HLF: variants seen among roughly 807,000 people sequenced by gnomAD.
HLF encodes the protein hepatic leukemia factor.
A neutral mutation model predicts 22.6 loss-of-function variants in HLF; 3 were observed. The observed-to-expected ratio is 0.13, with a 90% CI of 0.06 to 0.34. The LOEUF (loss-of-function observed/expected upper bound fraction) is 0.34. HLF is among the 10% of genes least tolerant of loss of function. The probability of loss-of-function intolerance (pLI) is 1.00; values close to 1 mark genes in which losing one functional copy is unlikely to be tolerated. For missense variants in HLF, 299 were observed against 389.2 expected, an observed-to-expected ratio of 0.77 and a Z score of 1.95; for synonymous variants, 151 against 151.8, an observed-to-expected ratio of 0.99 and a Z score of 0.04.
chr17:55,277,041 A>G (rs1024442753), intron 2 of HLF, among the ~76,000 whole-genome samples: 11 of 152,162 alleles, frequency 7.2e-5, no homozygotes, highest in Non-Finnish European at 5.9e-5. Flanking sequence ...TGATTGGGGG[A>G]AACACTCTTT....
intron 2 of HLF, among the ~76,000 whole-genome samples, chr17:55,279,670 A>T (rs941699913): frequency 1.3e-5 from 2 of 152,306 alleles, no homozygotes; most frequent in African/African-American, 4.8e-5. Context: ...TGAGGACAAA[A>T]TAGTTTTTAA....
intron 2 of HLF, among the ~76,000 whole-genome samples, chr17:55,277,289 A>C: frequency 1.2e-5 from 1 of 84,376 alleles, no homozygotes; most frequent in African/African-American, 4.2e-5. Context: ...GCGCATGTGT[A>C]CGTGGGCATG....
rs759022481 is a variant in HLF, at chr17:55,265,509, C to T, written c.25C>T (p.Pro9Ser). The T allele has an allele frequency of 1.3e-5, 21 of 1,608,186 alleles. No homozygotes were observed. Among genetic ancestry groups the T allele is most frequent in the Admixed American group, 3.3e-5 (2 of 59,718 alleles). Residue 9 changes from proline to serine, a missense_variant, in exon 1 of 4, where the codon CCC (proline) becomes TCC (serine). Transcript: ENST00000226067. ...GATGGAGAAAATGTCCCGACCGCTC[C>T]CCCTGAATCCCACCTTTATCCCGCC... MEKMSRPL[P>S]LNPTFIPPPY...
intron 2 of HLF, among the ~76,000 whole-genome samples, chr17:55,302,719 C>G (rs1904354820): frequency 6.6e-6 from 1 of 152,092 alleles, no homozygotes; most frequent in Admixed American, 6.5e-5. Flanking sequence ...CTGCAGGTTT[C>G]AAATAACTAG....
chr17:55,268,084 C>T lies in HLF; in HGVS notation c.449C>T (p.Pro150Leu), dbSNP rs1220910387. ...AACTGTATGCAGAGCCCCATCAGAC[C>T]AGGTAAGTGCCCTGAAGATTCTCCC... ...SPNCMQSPIRPGQLLPANRNT... is the reference protein window; with the variant it reads ...SPNCMQSPIRLGQLLPANRNT... Residue 150 changes from proline (P) to leucine (L), a missense_variant and splice_region_variant, in exon 2 of 4, where the codon CCA becomes CTA. Coordinates refer to ENST00000226067, the MANE Select transcript of HLF (RefSeq NM_002126.5). The T allele has an allele frequency of 1.3e-6, 2 of 1,531,268 alleles. No homozygotes were observed. The highest frequency in any genetic ancestry group is 1.8e-6 in the Non-Finnish European group (2 of 1,139,166). The allele number at this position is 1,531,268 out of a possible 1,614,324, so 94.9% of individuals were successfully genotyped here. A position where few individuals can be genotyped will look rare whatever the true frequency, so the allele number is the denominator to read the frequency against.
chr17:55,277,454 A>G (rs2080915620), intron 2 of HLF, among the ~76,000 whole-genome samples: 2 of 152,118 alleles, frequency 1.3e-5, no homozygotes, highest in Admixed American at 1.3e-4. Flanking sequence ...CCTGGGAAAC[A>G]AAGGAGTCAT....
intron 1 of HLF, 36 bp downstream of exon 1, chr17:55,265,635 G>A: frequency 1.4e-6 from 2 of 1,427,630 alleles, no homozygotes; most frequent in East Asian, 2.4e-5. Context: ...GGGAAGGGAC[G>A]ACGCTCCGGG....
chr17:55,279,936 A>C (rs1415335290), intron 2 of HLF, among the ~76,000 whole-genome samples: 3 of 151,528 alleles, frequency 2.0e-5, no homozygotes, highest in Non-Finnish European at 4.4e-5. Flanking sequence ...ACCAGAGAGG[A>C]TGTCATCGGC....
At chr17:55,295,866 G>A (rs1051818697) in intron 2 of HLF, among the ~76,000 whole-genome samples, 2 of 152,162 alleles carry the variant, frequency 1.3e-5, no homozygotes, top group East Asian at 1.9e-4. Flanking sequence ...GGAGGGGGAG[G>A]CCAGAGCAAG....
rs2080812132 is a variant in HLF at position 55,268,035 on chromosome 17, C to A, written c.400C>A (p.Leu134Ile). Residue 134 changes from leucine (L) to isoleucine (I), a missense_variant, in exon 2 of 4, where the codon CTT becomes ATT. Coordinates refer to ENST00000226067, the MANE Select transcript of HLF (RefSeq NM_002126.5). Reference sequence around the variant, plus strand: ...CCTCAGCAGCCGGGCCTCTGCACCCCTTCACCCTGGCATCCCATCTCCGAA... The same window carrying A: ...CCTCAGCAGCCGGGCCTCTGCACCCATTCACCCTGGCATCCCATCTCCGAA... Reference protein sequence around the residue: ...MDLSSRASAPLHPGIPSPNCM... With the variant: ...MDLSSRASAPIHPGIPSPNCM... The A allele has an allele frequency of 2.1e-5, 33 of 1,605,246 alleles. No individual in the cohort carries two copies. The highest frequency in any genetic ancestry group is 2.8e-5 in the Non-Finnish European group (33 of 1,175,750).
intron 2 of HLF, among the ~76,000 whole-genome samples, chr17:55,293,353 G>A (rs1306767012): frequency 2.0e-5 from 3 of 152,176 alleles, no homozygotes; most frequent in African/African-American, 4.8e-5. Flanking sequence ...ACGGCCGATC[G>A]CCACTGTGCT....
At chr17:55,281,705 T>C (rs2080957743) in intron 2 of HLF, among the ~76,000 whole-genome samples, 1 of 152,216 alleles carries the variant, frequency 6.6e-6, no homozygotes, top group Non-Finnish European at 1.5e-5. Flanking sequence ...ATATTAGAAA[T>C]GATATTGGTC....
chr17:55,324,691 T>C lies in HLF; in HGVS notation c.*3812T>C, dbSNP rs1057017818. ...AAGGCCAAGGTCTCCTCCACGTTTT[T>C]TCTGCAATTAATAATGTCATTTAAA... On this transcript the variant is annotated 3_prime_UTR_variant, in exon 4 of 4. Coordinates refer to ENST00000226067, the MANE Select transcript of HLF (RefSeq NM_002126.5). 4.3e-6 allele frequency: 1 copy of C among 232,808 alleles called. No homozygotes were observed. The highest frequency in any genetic ancestry group is 2.2e-5 in the African/African-American group (1 of 45,318). 14.4% of individuals were successfully genotyped at this position (232,808 alleles called of 1,614,324 possible).
At chr17:55,296,176 T>C (rs908753990) in intron 2 of HLF, among the ~76,000 whole-genome samples, 1 of 152,166 alleles carries the variant, frequency 6.6e-6, no homozygotes, top group Non-Finnish European at 1.5e-5. Flanking sequence ...GTGTGGGTGG[T>C]TGGTTTCCTT....
At chr17:55,296,402 T>C (rs534439610) in intron 2 of HLF, among the ~76,000 whole-genome samples, 11 of 152,364 alleles carry the variant, frequency 7.2e-5, no homozygotes, top group Admixed American at 5.2e-4. Context: ...CTGTCCACAG[T>C]TTCTGCGTAC....
At chr17:55,274,640 G>T (rs1160105700) in intron 2 of HLF, among the ~76,000 whole-genome samples, 1 of 152,116 alleles carries the variant, frequency 6.6e-6, no homozygotes, top group Non-Finnish European at 1.5e-5. Flanking sequence ...TCCTGACTTT[G>T]CCACTCATTA....
intron 2 of HLF, among the ~76,000 whole-genome samples, chr17:55,278,141 CAT>C (rs1414660694): frequency 6.6e-6 from 1 of 152,174 alleles, no homozygotes; most frequent in East Asian, 1.9e-4. Flanking sequence ...TATAATGAGA[CAT>C]GGCTTGTGGC....
intron 2 of HLF, among the ~76,000 whole-genome samples, chr17:55,293,088 G>T (rs1156237645): frequency 6.6e-6 from 1 of 152,152 alleles, no homozygotes; most frequent in Non-Finnish European, 1.5e-5. Context: ...ACAGTAGGGT[G>T]ACTATAGTTA....
At chr17:55,272,962 A>G (rs1019260869) in intron 2 of HLF, 1 of 152,384 alleles carries the variant, frequency 6.6e-6, no homozygotes, top group Non-Finnish European at 1.5e-5. Flanking sequence ...GGGAGTCTGC[A>G]TGGTTCTGGA....
Sources: gnomAD v4.1 joint callset for allele counts (sites outside exome capture counted in the v4.1 genomes callset) on GRCh38, gnomAD v4.1.1 for gene constraint, MANE v1.5 for transcripts, NCBI Gene and HGNC (gene_info 2026-07-23, HGNC 2026-07-21) for gene names.